The following NOC3L variants were observed in gnomAD, a reference collection of about 807,000 sequenced individuals.
NOC3L encodes nucleolar complex protein 3 homolog.
NOC3L carries 85 observed loss-of-function variants against 102.5 expected under a neutral mutation model. The observed-to-expected ratio is 0.83, with a 90% confidence interval of 0.70 to 0.99. NOC3L has a LOEUF of 0.99. Ranked by LOEUF, NOC3L falls within the 50% of genes least tolerant of loss-of-function variation. NOC3L has a pLI of 0.00. For synonymous variants in NOC3L, 303 were observed against 309.4 expected, an observed-to-expected ratio of 0.98 and a Z score of 0.22; for missense variants, 878 against 914.9, an observed-to-expected ratio of 0.96 and a Z score of 0.52.
the NOC3L span, chr10:94,316,588 C>G: frequency 6.2e-7 from 1 of 1,609,070 alleles, no homozygotes; most frequent in Non-Finnish European, 8.5e-7. Context: ...TTACCACAGA[C>G]TATTTTTTGA....
the NOC3L span, among the ~76,000 whole-genome samples, chr10:94,318,160 C>CA: frequency 2.9e-4 from 44 of 152,104 alleles, 1 homozygote; most frequent in African/African-American, 1.0e-3. Context: ...TTAATTTAAG[C>CA]AAAAAAATGT....
intron 9 of NOC3L, 41 bp from the exon 10 acceptor site, chr10:94,349,419 C>A: frequency 6.5e-7 from 1 of 1,537,158 alleles, no homozygotes; most frequent in Non-Finnish European, 8.7e-7. Context: ...GTTTCTCAAC[C>A]TTAGCACTAC....
At chr10:94,329,337 T>C (rs2054128808), downstream of NOC3L, 1 of 152,330 alleles carries the variant, frequency 6.6e-6, no homozygotes, top group South Asian at 2.1e-4. Flanking sequence ...TATCTTTCCA[T>C]TGGTATCTTT....
At chr10:94,340,225 A>G (rs757909416) in intron 16 of NOC3L, 51 bp downstream of exon 16, 1 of 1,457,100 alleles carries the variant, frequency 6.9e-7, no homozygotes, top group South Asian at 1.2e-5. Context: ...GTCATAACAT[A>G]TTCTTAAAAC....
downstream of NOC3L, chr10:94,328,821 T>TA (rs2054121492): frequency 6.6e-6 from 1 of 152,206 alleles, no homozygotes; most frequent in Non-Finnish European, 1.5e-5. Context: ...AGGGTTGCTT[T>TA]AAAAAAGGTT....
chr10:94,347,628 A>G (rs2054360771), intron 10 of NOC3L, among the ~76,000 whole-genome samples: 1 of 152,112 alleles, frequency 6.6e-6, no homozygotes, highest in Admixed American at 6.5e-5. Context: ...GCCAAAGGAA[A>G]ACTGTGAAAT....
rs1181257694 is a variant in NOC3L, at chr10:94,362,903, C to A, written c.-65G>T. 1 of 1,613,426 alleles carries A rather than the reference C, an allele frequency of 6.2e-7. No homozygotes were observed. Among genetic ancestry groups the A allele is most frequent in the Non-Finnish European group, 8.5e-7 (1 of 1,179,726 alleles). On this transcript the variant is annotated 5_prime_UTR_variant, in exon 1 of 21. Coordinates refer to ENST00000371361, the MANE Select transcript of NOC3L (RefSeq NM_022451.11). ...AGAAGCAGGGTTACTACAGAAATCC[C>A]GGGGAATGACACACGTGCCGAAGTC...
chr10:94,356,325 T>G (rs768754521), intron 5 of NOC3L, among the ~76,000 whole-genome samples: 3 of 152,168 alleles, frequency 2.0e-5, no homozygotes, highest in Non-Finnish European at 4.4e-5. Flanking sequence ...CAAATATGAT[T>G]GTGTAAATTT....
In NOC3L at chr10:94,340,514, G is replaced by A. The variant is rs746462512; in HGVS notation, c.1645-18C>T. ...CTTAGGTCCTTTAAAAAAAAAAGGG[G>A]GGGGTGAGGGGGATGGAATATTAAG... On this transcript the variant is annotated intron_variant, in intron 14 of 20. Transcript: ENST00000371361. 7.0e-6 allele frequency: 9 copies of A among 1,289,376 alleles called. No homozygotes were observed. Among genetic ancestry groups the A allele is most frequent in the African/African-American group, 1.5e-5 (1 of 65,478 alleles). The allele number at this position is 1,289,376 out of a possible 1,614,324, so 79.9% of individuals were successfully genotyped here.
chr10:94,332,549 T>TGTGTGTGTG, downstream of NOC3L: 1 of 125,198 alleles, frequency 8.0e-6, no homozygotes, highest in Non-Finnish European at 1.7e-5. Flanking sequence ...GTGTGTGTGT[T>TGTGTGTGTG]TAAACATAAG....
chr10:94,356,130 T>C (rs2054480203), intron 5 of NOC3L, among the ~76,000 whole-genome samples: 1 of 152,214 alleles, frequency 6.6e-6, no homozygotes, highest in South Asian at 2.1e-4. Flanking sequence ...CATTCAATTA[T>C]ATGAAACATA....
chr10:94,337,068 CAAA>C (rs577577956), intron 19 of NOC3L, among the ~76,000 whole-genome samples: 7 of 78,500 alleles, frequency 8.9e-5, no homozygotes, highest in Admixed American at 2.9e-4. Flanking sequence ...GACTCCATCT[CAAA>C]AAAAAAAAAA....
At chr10:94,322,093 T>G in the NOC3L span, 1 of 1,598,676 alleles carries the variant, frequency 6.3e-7, no homozygotes, top group Admixed American at 1.7e-5. Context: ...CTGAGTCCTT[T>G]CCTCAGCATA....
At chr10:94,360,221 C>G (rs771942066) in intron 2 of NOC3L, among the ~76,000 whole-genome samples, 3 of 152,094 alleles carry the variant, frequency 2.0e-5, no homozygotes, top group Admixed American at 1.3e-4. Context: ...GAGGCTAAGG[C>G]AGGAGAATCA....
In NOC3L at chr10:94,350,152, G is replaced by A. The variant is rs144470668; in HGVS notation, c.1089C>T (p.Ile363=). ...CATTCATGAGAGGGACAATCAATAC[G>A]ATGATGTTGTTGTGAAAGTTAAAAT... is the stretch of plus-strand genomic sequence containing the variant. ...LPHFNFHNNI[I]VLIVPLMNDM... Residue 363 remains isoleucine (I), a synonymous_variant, in exon 9 of 21, where the codon ATC becomes ATT. Transcript: ENST00000371361. 21 of 1,614,116 alleles carry A rather than the reference G, an allele frequency of 1.3e-5. No individual in the cohort carries two copies. The East Asian group carries it at 2.5e-4, about 19-fold the overall frequency.
At chr10:94,323,102 T>C in the NOC3L span, among the ~76,000 whole-genome samples, 1 of 152,344 alleles carries the variant, frequency 6.6e-6, no homozygotes, top group East Asian at 1.9e-4. Flanking sequence ...GACAATGTCA[T>C]GGTCCCAGAA....
chr10:94,324,419 A>T, the NOC3L span: 20 of 1,614,068 alleles, frequency 1.2e-5, no homozygotes, highest in East Asian at 4.5e-4. Context: ...GTGCTTTTGG[A>T]AGAGGTGGTG....
chr10:94,324,701 TG>T, the NOC3L span: 1 of 1,000,032 alleles, frequency 1.0e-6, no homozygotes, highest in Non-Finnish European at 1.5e-6. Flanking sequence ...GAAAATTGTT[TG>T]GCTTTGTTTT....
At chr10:94,341,841 T>C in intron 13 of NOC3L, 96 bp from the exon 14 acceptor site, 2 of 655,166 alleles carry the variant, frequency 3.1e-6, no homozygotes, top group Non-Finnish European at 5.0e-6. Flanking sequence ...TTAATATTCT[T>C]TATTTCGAAA....
Sources: gnomAD v4.1 joint callset for allele counts (sites outside exome capture counted in the v4.1 genomes callset) on GRCh38, gnomAD v4.1.1 for gene constraint, MANE v1.5 for transcripts, NCBI Gene and HGNC (gene_info 2026-07-23, HGNC 2026-07-21) for gene names.